Variants in FAXC observed in about 807,000 individuals in gnomAD.
FAXC encodes the protein failed axon connections homolog.
In FAXC, 10 loss-of-function variants were observed where a neutral mutation model predicts 41.9. The ratio of observed to expected loss-of-function variants is 0.24; its 90% CI spans 0.15 to 0.41. The LOEUF (loss-of-function observed/expected upper bound fraction) is 0.41. FAXC is among the 10% of genes least tolerant of loss of function. The pLI, the probability that FAXC is intolerant of heterozygous loss-of-function variation, is 1.00. For synonymous variants in FAXC, 183 were observed against 183.8 expected (o/e 1.00, Z 0.03); for missense variants, 399 against 510.9 (o/e 0.78, Z 2.11).
At chr6:99,328,637 C>T (rs961947433) in intron 3 of FAXC, among the ~76,000 whole-genome samples, 5 of 152,160 alleles carry the variant, frequency 3.3e-5, no homozygotes, top group African/African-American at 4.8e-5. Context: ...TAACCTTTCC[C>T]GACCACCAGC....
chr6:99,306,559 T>A (rs965276067), intron 4 of FAXC, among the ~76,000 whole-genome samples: 2 of 152,096 alleles, frequency 1.3e-5, no homozygotes, highest in Non-Finnish European at 2.9e-5. Context: ...GAGATAAATA[T>A]GTGGGAGTAT....
intron 5 of FAXC, among the ~76,000 whole-genome samples, chr6:99,289,500 T>G (rs1275171927): frequency 1.3e-5 from 2 of 151,942 alleles, no homozygotes; most frequent in Admixed American, 6.6e-5. Flanking sequence ...AAAAAAAAAT[T>G]TTTTAATTAG....
intron 4 of FAXC, among the ~76,000 whole-genome samples, chr6:99,307,062 G>T (rs1771952317): frequency 6.6e-6 from 1 of 152,194 alleles, no homozygotes; most frequent in Non-Finnish European, 1.5e-5. Flanking sequence ...TTACAGAAGA[G>T]AAGAAGGGCT....
chr6:99,290,556 G>A (rs1449097942), intron 5 of FAXC, among the ~76,000 whole-genome samples: 1 of 151,492 alleles, frequency 6.6e-6, no homozygotes, highest in Non-Finnish European at 1.5e-5. Context: ...ACCAAAATTA[G>A]CCGGGCATGG....
At chr6:99,333,655 T>C in intron 2 of FAXC, 108 bp from the exon 3 acceptor site, 1 of 939,286 alleles carries the variant, frequency 1.1e-6, no homozygotes, top group Non-Finnish European at 1.6e-6. Context: ...GTGACAGTAC[T>C]ACTCAAGTGA....
At chr6:99,306,075 A>C (rs1771908166) in intron 4 of FAXC, among the ~76,000 whole-genome samples, 1 of 152,104 alleles carries the variant, frequency 6.6e-6, no homozygotes, top group South Asian at 2.1e-4. Context: ...TGGTCAGGGA[A>C]GGCCTCTCTG....
chr6:99,311,730 A>G (rs912786628), intron 4 of FAXC, among the ~76,000 whole-genome samples: 1 of 152,180 alleles, frequency 6.6e-6, no homozygotes, highest in African/African-American at 2.4e-5. Flanking sequence ...TCTGGAGAAT[A>G]GCAGCTCAGG....
intron 3 of FAXC, among the ~76,000 whole-genome samples, chr6:99,328,041 T>A (rs182086066): frequency 6.6e-6 from 1 of 152,116 alleles, no homozygotes; most frequent in Non-Finnish European, 1.5e-5. Flanking sequence ...CTTAGAGTCA[T>A]TCATTAATAC....
At chr6:99,333,292 A>G in intron 3 of FAXC, 59 bp downstream of exon 3, 1 of 1,411,624 alleles carries the variant, frequency 7.1e-7, no homozygotes, top group Non-Finnish European at 9.6e-7. Flanking sequence ...GGATCTGAAA[A>G]GTGAAACAGA....
intron 4 of FAXC, 118 bp downstream of exon 4, chr6:99,323,326 A>C: frequency 1.2e-6 from 1 of 843,360 alleles, no homozygotes; most frequent in Non-Finnish European, 1.8e-6. Flanking sequence ...TGCAATCTAC[A>C]CATGGAAGCA....
chr6:99,310,925 T>C (rs187507597), intron 4 of FAXC, among the ~76,000 whole-genome samples: 1 of 151,822 alleles, frequency 6.6e-6, no homozygotes, highest in African/African-American at 2.4e-5. Context: ...CTCTATGAGG[T>C]GCTGTTGCAT....
chr6:99,348,378 G>A (rs960351253), intron 1 of FAXC, among the ~76,000 whole-genome samples: 2 of 152,148 alleles, frequency 1.3e-5, no homozygotes, highest in South Asian at 4.1e-4. Context: ...CCAACAGCAG[G>A]GGCCTCCATT....
At chr6:99,309,598 C>G (rs555963795) in intron 4 of FAXC, among the ~76,000 whole-genome samples, 41 of 152,276 alleles carry the variant, frequency 2.7e-4, no homozygotes, top group African/African-American at 9.9e-4. Context: ...TCCCACAATC[C>G]CCAGCTATTG....
At chr6:99,287,884 C>T in intron 5 of FAXC, among the ~76,000 whole-genome samples, 1 of 152,022 alleles carries the variant, frequency 6.6e-6, no homozygotes, top group East Asian at 1.9e-4. Context: ...GGAACTAATG[C>T]CTAAAATGGG....
chr6:99,305,090 C>A (rs186324672), intron 4 of FAXC, among the ~76,000 whole-genome samples: 1 of 151,968 alleles, frequency 6.6e-6, no homozygotes, highest in African/African-American at 2.4e-5. Flanking sequence ...AAGGCACATA[C>A]GGGGAAAAAG....
chr6:99,302,641 G>C (rs1162549093), intron 4 of FAXC, among the ~76,000 whole-genome samples: 1 of 152,026 alleles, frequency 6.6e-6, no homozygotes, highest in Non-Finnish European at 1.5e-5. Flanking sequence ...GGTTTACAGA[G>C]CAATACTCTG....
chr6:99,308,600 A>T (rs1271186110), intron 4 of FAXC, among the ~76,000 whole-genome samples: 1 of 151,362 alleles, frequency 6.6e-6, no homozygotes, highest in Non-Finnish European at 1.5e-5. Flanking sequence ...TGAAAGAGTC[A>T]TCTATAATTC....
intron 5 of FAXC, among the ~76,000 whole-genome samples, chr6:99,283,811 C>A (rs1770919450): frequency 6.6e-6 from 1 of 152,170 alleles, no homozygotes; most frequent in Admixed American, 6.5e-5. Flanking sequence ...ACAGTCACTT[C>A]ACAGTAGGAC....
rs170262 is a variant in FAXC at position 99,279,500 on chromosome 6, G to A, written c.*1664C>T. On this transcript the variant is annotated 3_prime_UTR_variant, in exon 6 of 6. Transcript: ENST00000389677. ...TCAAGTAAAGTGCATGGATTTCTCA[G>A]AAGTTGCTGTATTTTAAGAAGTGCC... The A allele has an allele frequency of 1.3e-5, 2 of 151,330 alleles. No homozygotes were observed. The highest frequency in any genetic ancestry group is 4.9e-5 in the African/African-American group (2 of 41,222). The allele number at this position is 151,330 out of a possible 1,614,324, so 9.4% of individuals were successfully genotyped here. A position where few individuals can be genotyped will look rare whatever the true frequency, so the allele number is the denominator to read the frequency against.
Sources: allele counts gnomAD v4.1 joint callset (sites outside exome capture counted in the v4.1 genomes callset), GRCh38; gene constraint gnomAD v4.1.1; transcripts MANE v1.5; gene names NCBI Gene and HGNC (gene_info 2026-07-23, HGNC 2026-07-21).